Variants in MSRA observed in about 807,000 individuals in gnomAD.
The protein encoded by MSRA is methionine sulfoxide reductase A.
MSRA carries 54 observed loss-of-function variants against 31.3 expected under a neutral mutation model. That is an observed-to-expected ratio of 1.73 (90% CI 1.39 to 2.17). The LOEUF (loss-of-function observed/expected upper bound fraction) is 2.17, where lower values mean the gene tolerates loss of function less well. Among genes scored for constraint, MSRA ranks in the 30% most tolerant of loss-of-function variants. The probability of loss-of-function intolerance (pLI) is 0.00; values close to 1 mark genes in which losing one functional copy is unlikely to be tolerated. For missense variants in MSRA, 507 were observed against 300.9 expected (o/e 1.69, Z -5.07); for synonymous variants, 169 against 116.5 (o/e 1.45, Z -2.90).
chr8:10,300,374 G>A (rs1020045982), intron 3 of MSRA, among the ~76,000 whole-genome samples: 1 of 152,002 alleles, frequency 6.6e-6, no homozygotes, highest in African/African-American at 2.4e-5. Flanking sequence ...TCCTGCCTCA[G>A]CGTCCCGAGT....
At chr8:10,328,408 T>C (rs1041083594) in intron 5 of MSRA, among the ~76,000 whole-genome samples, 4 of 152,004 alleles carry the variant, frequency 2.6e-5, no homozygotes. Context: ...ACATCCCCAC[T>C]GTGCTCGCTT....
intron 1 of MSRA, among the ~76,000 whole-genome samples, chr8:10,143,588 C>T (rs1003605301): frequency 6.6e-6 from 1 of 152,178 alleles, no homozygotes; most frequent in African/African-American, 2.4e-5. Context: ...CCCCGGGTCG[C>T]TCCCTGTCAT....
chr8:10,135,270 G>A (rs1042166751), intron 1 of MSRA, among the ~76,000 whole-genome samples: 1 of 152,210 alleles, frequency 6.6e-6, no homozygotes, highest in Non-Finnish European at 1.5e-5. Flanking sequence ...TTATAGAGAG[G>A]CAGAGTGGTG....
At chr8:10,147,156 G>C (rs1396899897) in intron 1 of MSRA, among the ~76,000 whole-genome samples, 1 of 152,186 alleles carries the variant, frequency 6.6e-6, no homozygotes, top group Non-Finnish European at 1.5e-5. Flanking sequence ...TGGCACGAGT[G>C]GGAGAGAGGG....
chr8:10,120,184 C>A (rs1801003447), intron 1 of MSRA, among the ~76,000 whole-genome samples: 1 of 152,100 alleles, frequency 6.6e-6, no homozygotes. Context: ...GAGAGTGGTC[C>A]CAGCAGAGCA....
intron 1 of MSRA, among the ~76,000 whole-genome samples, chr8:10,166,382 A>G (rs1805126184): frequency 6.6e-6 from 1 of 151,554 alleles, no homozygotes; most frequent in African/African-American, 2.4e-5. Context: ...ATGCATTTGT[A>G]TGATAGTGTG....
intron 1 of MSRA, among the ~76,000 whole-genome samples, chr8:10,102,004 A>G (rs909701545): frequency 6.6e-6 from 1 of 152,000 alleles, no homozygotes; most frequent in Non-Finnish European, 1.5e-5. Context: ...ATCTGCTGTC[A>G]TTTGAATTGT....
chr8:10,070,806 C>G (rs543259406), intron 1 of MSRA, among the ~76,000 whole-genome samples: 1 of 152,326 alleles, frequency 6.6e-6, no homozygotes, highest in Admixed American at 6.5e-5. Context: ...CCCTGAGATT[C>G]ACCCCAGTTG....
intron 1 of MSRA, among the ~76,000 whole-genome samples, chr8:10,085,512 T>G (rs1798514844): frequency 6.6e-6 from 1 of 152,240 alleles, no homozygotes; most frequent in African/African-American, 2.4e-5. Flanking sequence ...GGACAGTGTC[T>G]TAGTCATCTC....
At position 10,090,770 on chromosome 8, in the gene MSRA, A is replaced by G. The variant is rs555217884; in HGVS notation, c.142+36112A>G. Among the ~76,000 whole-genome samples, 248 of 152,324 alleles carry G rather than the reference A, an allele frequency of 1.6e-3. 5 individuals are homozygous for G. Among genetic ancestry groups the G allele is most frequent in the Admixed American group, 0.012 (191 of 15,306 alleles). On this transcript the variant is annotated intron_variant, in intron 1 of 5. Transcript: ENST00000317173. ...TTTGCTTCTTCTGAACCTTTCATATATATAGAATCATACAATATGCGGACT... is the reference window on the plus strand; with the variant it reads ...TTTGCTTCTTCTGAACCTTTCATATGTATAGAATCATACAATATGCGGACT...
At chr8:10,247,552 C>G (rs1797687768) in intron 3 of MSRA, among the ~76,000 whole-genome samples, 1 of 152,126 alleles carries the variant, frequency 6.6e-6, no homozygotes, top group African/African-American at 2.4e-5. Flanking sequence ...AAGGGCCAAG[C>G]CAGTTCATGC....
intron 5 of MSRA, among the ~76,000 whole-genome samples, chr8:10,404,590 C>T (rs777430714): frequency 3.9e-5 from 6 of 152,376 alleles, no homozygotes; most frequent in Non-Finnish European, 5.9e-5. Context: ...CTGACAGGTG[C>T]GCGGGCTCTC....
intron 1 of MSRA, among the ~76,000 whole-genome samples, chr8:10,157,189 G>C (rs1047533169): frequency 2.6e-5 from 4 of 151,828 alleles, no homozygotes; most frequent in African/African-American, 9.7e-5. Context: ...GTTTCTAATG[G>C]GATTACATTT....
At chr8:10,350,919 C>G (rs1177732222) in intron 5 of MSRA, among the ~76,000 whole-genome samples, 1 of 152,220 alleles carries the variant, frequency 6.6e-6, no homozygotes, top group Non-Finnish European at 1.5e-5. Context: ...AGAGGGCTTC[C>G]TACTGCCTGC....
At chr8:10,377,079 T>C (rs2129172594) in intron 5 of MSRA, among the ~76,000 whole-genome samples, 1 of 152,370 alleles carries the variant, frequency 6.6e-6, no homozygotes. Flanking sequence ...AGTTATGCAC[T>C]AACTTCTAGC....
intron 1 of MSRA, among the ~76,000 whole-genome samples, chr8:10,200,430 C>G (rs1487331044): frequency 6.6e-6 from 1 of 152,202 alleles, no homozygotes; most frequent in Non-Finnish European, 1.5e-5. Context: ...GAGAGTAAAT[C>G]TCACCTTCTG....
intron 2 of MSRA, among the ~76,000 whole-genome samples, chr8:10,214,878 T>C (rs1232171306): frequency 6.6e-6 from 1 of 152,170 alleles, no homozygotes. Flanking sequence ...TCTTCTTGAG[T>C]GTAGAGAAGT....
chr8:10,134,787 A>G (rs867514078), intron 1 of MSRA, among the ~76,000 whole-genome samples: 11 of 152,348 alleles, frequency 7.2e-5, no homozygotes, highest in African/African-American at 2.6e-4. Flanking sequence ...TGGTTGAAGT[A>G]TATCTTTAAG....
chr8:10,084,143 A>G (rs964518555), intron 1 of MSRA, among the ~76,000 whole-genome samples: 4 of 152,230 alleles, frequency 2.6e-5, no homozygotes, highest in African/African-American at 7.2e-5. Context: ...CATGCTGGTT[A>G]TGGAGTACTC....
Sources: allele counts gnomAD v4.1 joint callset (sites outside exome capture counted in the v4.1 genomes callset), GRCh38; gene constraint gnomAD v4.1.1; transcripts MANE v1.5; gene names NCBI Gene and HGNC (gene_info 2026-07-23, HGNC 2026-07-21).